FAM168A: variants seen among roughly 807,000 people sequenced by gnomAD.
FAM168A encodes family with sequence similarity 168 member A, also known as protein FAM168A.
In FAM168A, 3 loss-of-function variants were observed where a neutral mutation model predicts 28.5. The ratio of observed to expected loss-of-function variants is 0.11; its 90% CI spans 0.05 to 0.27. FAM168A has a LOEUF of 0.27. Among genes scored for constraint, FAM168A ranks in the 10% least tolerant of loss-of-function variants. The pLI, the probability that FAM168A is intolerant of heterozygous loss-of-function variation, is 1.00. For synonymous variants in FAM168A, 122 were observed against 124.2 expected, an observed-to-expected ratio of 0.98 and a Z score of 0.12; for missense variants, 222 against 311.5, an observed-to-expected ratio of 0.71 and a Z score of 2.16.
chr11:73,516,740 C>T (rs563433497), intron 1 of FAM168A, among the ~76,000 whole-genome samples: 256 of 152,266 alleles, frequency 1.7e-3, no homozygotes, highest in Non-Finnish European at 3.0e-3. Flanking sequence ...TAATTCAGTG[C>T]CTAGCAGGAA....
intron 2 of FAM168A, among the ~76,000 whole-genome samples, chr11:73,449,043 A>G (rs956300797): frequency 3.3e-5 from 5 of 151,884 alleles, no homozygotes; most frequent in Admixed American, 3.3e-4. Context: ...TGGCATGATC[A>G]TGGCTCACTG....
chr11:73,547,162 C>CG (rs1341444976), intron 1 of FAM168A, among the ~76,000 whole-genome samples: 134 of 122,034 alleles, frequency 1.1e-3, no homozygotes, highest in African/African-American at 3.6e-3. Flanking sequence ...GAGGAAAAGG[C>CG]GGGGGGGAGG....
chr11:73,544,956 T>A lies in FAM168A; in HGVS notation c.-19+52967A>T, dbSNP rs1180548050. On this transcript the variant is annotated intron_variant, in intron 1 of 7. Transcript: ENST00000356467. ...ATATATTATGTAATATATAATATAT[T>A]ATATATAATATATATTATATAATAT... Among the ~76,000 whole-genome samples the A allele has an allele frequency of 3.3e-5, 3 of 90,524 alleles. 1 individual carries two copies. Among genetic ancestry groups the A allele is most frequent in the Middle Eastern group, 8.8e-3 (2 of 228 alleles). The allele number at this position is 90,524 out of a possible 152,430, so 59.4% of individuals were successfully genotyped here.
At chr11:73,596,104 G>C (rs942094406) in intron 1 of FAM168A, among the ~76,000 whole-genome samples, 24 of 152,124 alleles carry the variant, frequency 1.6e-4, no homozygotes, top group African/African-American at 5.3e-4. Context: ...ATTTAAAGAG[G>C]GGGTAAAAAA....
chr11:73,520,283 C>A (rs1943359500), intron 1 of FAM168A, among the ~76,000 whole-genome samples: 1 of 151,842 alleles, frequency 6.6e-6, no homozygotes, highest in Non-Finnish European at 1.5e-5. Flanking sequence ...CTCCTGACCT[C>A]GTGATCCACC....
rs181786479 is a variant in FAM168A, at chr11:73,515,493, A to G, written c.-18-47001T>C. ...ATTGCACTCTAGCTGCGGTAACAAG[A>G]GCAAAACTCTGTCTCAAAAAAAAAA... On this transcript the variant is annotated intron_variant, in intron 1 of 7. Transcript: ENST00000356467. Among the ~76,000 whole-genome samples, 842 of 149,378 alleles carry G rather than the reference A, an allele frequency of 5.6e-3. 4 individuals are homozygous for G. The highest frequency in any genetic ancestry group is 9.1e-3 in the Non-Finnish European group (616 of 67,578).
chr11:73,446,925 T>C (rs1245966765), intron 2 of FAM168A, among the ~76,000 whole-genome samples: 3 of 152,186 alleles, frequency 2.0e-5, no homozygotes, highest in African/African-American at 7.2e-5. Flanking sequence ...CCACCAAGGA[T>C]AAAGTTCCAA....
At chr11:73,520,477 A>T (rs1399536225) in intron 1 of FAM168A, among the ~76,000 whole-genome samples, 1 of 152,182 alleles carries the variant, frequency 6.6e-6, no homozygotes, top group Non-Finnish European at 1.5e-5. Flanking sequence ...ATTATGCAAA[A>T]ATGGGACTGT....
chr11:73,407,689 A>T, intron 6 of FAM168A, 46 bp from the exon 7 acceptor site: 5 of 1,495,978 alleles, frequency 3.3e-6, no homozygotes, highest in Non-Finnish European at 4.6e-6. Context: ...GCTGCACCAG[A>T]CACAGGAATG....
chr11:73,471,228 A>C (rs909984769), intron 1 of FAM168A, among the ~76,000 whole-genome samples: 1 of 152,142 alleles, frequency 6.6e-6, no homozygotes, highest in Non-Finnish European at 1.5e-5. Context: ...TAAACTCTAC[A>C]ATCAGGCAGA....
Sources: allele counts gnomAD v4.1 joint callset (sites outside exome capture counted in the v4.1 genomes callset), GRCh38; gene constraint gnomAD v4.1.1; transcripts MANE v1.5; gene names NCBI Gene and HGNC (gene_info 2026-07-23, HGNC 2026-07-21).